Variants in SEC31B observed in about 807,000 individuals in gnomAD.
SEC31B encodes the protein protein transport protein Sec31B.
In SEC31B, 113 loss-of-function variants were observed where a neutral mutation model predicts 135.0. That is an observed-to-expected ratio of 0.84 (90% CI 0.72 to 0.98). SEC31B has a LOEUF of 0.98. Ranked by LOEUF, SEC31B falls within the 50% of genes least tolerant of loss-of-function variation. The probability of loss-of-function intolerance (pLI) is 0.00; values close to 1 mark genes in which losing one functional copy is unlikely to be tolerated. For synonymous variants in SEC31B, 508 were observed against 549.4 expected (o/e 0.92, Z 1.05); for missense variants, 1,296 against 1,421.1 (o/e 0.91, Z 1.42).
chr10:100,491,705 T>C (rs1851303827), intron 19 of SEC31B, among the ~76,000 whole-genome samples: 1 of 152,232 alleles, frequency 6.6e-6, no homozygotes, highest in African/African-American at 2.4e-5. Context: ...ATTCATGATC[T>C]AGTACACAAG....
At position 100,505,473 on chromosome 10, in the gene SEC31B, C is replaced by A; in HGVS notation, c.1067G>T (p.Gly356Val). The A allele has an allele frequency of 6.4e-7, 1 of 1,565,850 alleles. No homozygotes were observed. Among genetic ancestry groups the A allele is most frequent in the African/African-American group, 1.4e-5 (1 of 72,776 alleles). ...ADKISSSFSKGQPLPPLQVPE... is the reference protein window; with the variant it reads ...ADKISSSFSKVQPLPPLQVPE... ...CACCTGCAGTGGTGGGAGAGGCTGG[C>A]CTTTGCTGAAGGAAGAGGAGATCTG... Residue 356 changes from glycine (G) to valine (V), a missense_variant, in exon 10 of 26, where the codon GGC (glycine) becomes GTC (valine). Coordinates refer to ENST00000370345, the MANE Select transcript of SEC31B (RefSeq NM_015490.4).
intron 1 of SEC31B, among the ~76,000 whole-genome samples, chr10:100,518,550 A>G (rs996689046): frequency 6.6e-6 from 1 of 152,348 alleles, no homozygotes; most frequent in African/African-American, 2.4e-5. Flanking sequence ...ACTAGTTTCC[A>G]AACGAATGTC....
chr10:100,505,301 C>T (rs1323257826), intron 10 of SEC31B, 60 bp downstream of exon 10: 9 of 232,406 alleles, frequency 3.9e-5, no homozygotes, highest in Non-Finnish European at 6.1e-5. Context: ...GCTTCACAAA[C>T]ACACACACAC....
chr10:100,506,501 T>C, intron 7 of SEC31B, 81 bp from the exon 8 acceptor site: 1 of 1,176,760 alleles, frequency 8.5e-7, no homozygotes, highest in Non-Finnish European at 1.3e-6. Flanking sequence ...TTTATACATT[T>C]TATAGGGCAT....
intron 19 of SEC31B, among the ~76,000 whole-genome samples, chr10:100,491,774 AAC>A (rs1851304916): frequency 6.6e-6 from 1 of 152,260 alleles, no homozygotes; most frequent in Admixed American, 6.5e-5. Context: ...TCCTCAATGC[AAC>A]AGTGTTGGGA....
intron 19 of SEC31B, among the ~76,000 whole-genome samples, chr10:100,494,686 T>C (rs1262684922): frequency 6.6e-6 from 1 of 152,232 alleles, no homozygotes; most frequent in Non-Finnish European, 1.5e-5. Context: ...GAAACTCTGA[T>C]CAAACATCCG....
chr10:100,490,289 C>G lies in SEC31B; in HGVS notation c.2684G>C (p.Arg895Thr), dbSNP rs2133669804. 1.2e-6 allele frequency: 2 copies of G among 1,613,842 alleles called. No individual in the cohort carries two copies. The highest frequency in any genetic ancestry group is 2.2e-5 in the East Asian group (1 of 44,870). The part of the protein sequence containing the change: ...SSQPQLLGGQ[R>T]VQVPNPVGFP... ...TCCCACCGGGTTAGGAACTTGCACC[C>G]TTTGCCCTCCTAATAGCTGTGGCTG... The change falls in exon 21 of 26, where the codon AGG becomes ACG. Residue 895 changes from arginine to threonine, a missense_variant. Coordinates refer to ENST00000370345, the MANE Select transcript of SEC31B (RefSeq NM_015490.4).
intron 19 of SEC31B, among the ~76,000 whole-genome samples, chr10:100,493,232 G>A (rs578135352): frequency 6.6e-6 from 1 of 152,130 alleles, no homozygotes; most frequent in East Asian, 1.9e-4. Flanking sequence ...AATTATCCGG[G>A]CGTGGTGGCG....
chr10:100,504,771 G>A (rs771183537), intron 10 of SEC31B, among the ~76,000 whole-genome samples: 17 of 151,968 alleles, frequency 1.1e-4, no homozygotes, highest in Non-Finnish European at 2.4e-4. Flanking sequence ...GAGGGGCCTT[G>A]AAAGGCTGTG....
rs1324807491 is a variant in SEC31B at position 100,492,625 on chromosome 10, CTATT to C, written c.2473-1746_2473-1743del. 9.9e-5 allele frequency among the ~76,000 whole-genome samples: 15 copies of C among 152,274 alleles called. 1 individual carries two copies. The highest frequency in any genetic ancestry group is 2.9e-5 in the Non-Finnish European group (2 of 68,022). On this transcript the variant is annotated intron_variant, in intron 19 of 25. Transcript: ENST00000370345. ...ATAGATTGAAAAGAAAGAAAACTAT[CTATT>C]TGCAGATTTGTAGACAGCATGACTG...
intron 19 of SEC31B, 173 bp downstream of exon 19, chr10:100,495,212 C>T (rs1487959390): frequency 1.5e-6 from 1 of 680,292 alleles, no homozygotes; most frequent in Non-Finnish European, 2.5e-6. Flanking sequence ...ACCTTTATGT[C>T]CTAAGAGCCT....
At chr10:100,498,628 G>T in intron 14 of SEC31B, 77 bp downstream of exon 14, 2 of 1,020,350 alleles carry the variant, frequency 2.0e-6, no homozygotes, top group Non-Finnish European at 3.0e-6. Flanking sequence ...GACAAGAAGG[G>T]AATGTCTCAA....
intron 20 of SEC31B, 34 bp from the exon 21 acceptor site, chr10:100,490,356 A>G: frequency 3.2e-6 from 5 of 1,587,100 alleles, no homozygotes; most frequent in Non-Finnish European, 4.3e-6. Flanking sequence ...ATTTGTCACT[A>G]AACTTCATTT....
chr10:100,513,983 G>A (rs1214666031), intron 3 of SEC31B, among the ~76,000 whole-genome samples: 1 of 151,232 alleles, frequency 6.6e-6, no homozygotes, highest in Admixed American at 6.6e-5. Flanking sequence ...TCAGGAGTTC[G>A]AGACCAGCCT....
Position 100,489,398 on chromosome 10 carries a change from G to A in SEC31B, c.3025C>T (p.Leu1009=). The change falls in exon 23 of 26, where the codon CTG becomes TTG. Residue 1009 remains leucine, a splice_region_variant and synonymous_variant. Coordinates refer to ENST00000370345, the MANE Select transcript of SEC31B (RefSeq NM_015490.4). The part of the protein sequence containing the change: ...APRGNLQRNK[L]PETFMPPAPI... ...GCTGGGGGCATAAATGTCTCTGGCAGCTAAAGAGACAGAAGGAAAGACATG... is the reference window on the plus strand; with the variant it reads ...GCTGGGGGCATAAATGTCTCTGGCAACTAAAGAGACAGAAGGAAAGACATG... 6.2e-7 allele frequency: 1 copy of A among 1,613,454 alleles called. No homozygotes were observed. The highest frequency in any genetic ancestry group is 8.5e-7 in the Non-Finnish European group (1 of 1,179,896).
chr10:100,490,011 G>T lies in SEC31B; in HGVS notation c.2962C>A (p.Pro988Thr). 1 of 1,541,140 alleles carries T rather than the reference G, an allele frequency of 6.5e-7. No homozygotes were observed. Among genetic ancestry groups the T allele is most frequent in the Non-Finnish European group, 8.7e-7 (1 of 1,148,880 alleles). ...GATCCATGGAAGGAAGACTGACCTG[G>T]GTGAGGAGTCAAGATGCCAGTGGTT... Reference protein sequence around the residue: ...LPTTGILTPHPGPQDSWKEAP... With the variant: ...LPTTGILTPHTGPQDSWKEAP... Residue 988 changes from proline (P) to threonine (T), a missense_variant, in exon 21 of 26, where the codon CCA (proline) becomes ACA (threonine). Physicochemically the swap from Pro to Thr is conservative, Grantham distance 38. Coordinates refer to ENST00000370345, the MANE Select transcript of SEC31B (RefSeq NM_015490.4).
intron 19 of SEC31B, among the ~76,000 whole-genome samples, chr10:100,492,020 AT>A (rs1278460775): frequency 6.6e-6 from 1 of 152,208 alleles, no homozygotes; most frequent in Admixed American, 6.5e-5. Context: ...TAAGAAATAA[AT>A]TTCTGTTCTT....
chr10:100,487,477 A>G lies in SEC31B; in HGVS notation c.*139T>C, dbSNP rs968718210. On this transcript the variant is annotated 3_prime_UTR_variant, in exon 26 of 26. Coordinates refer to ENST00000370345, the MANE Select transcript of SEC31B (RefSeq NM_015490.4). ...GCAGGCACTCAGCTGGTTTGGAGCC[A>G]AGCCTACAGCATCACATACCTGGCA... 5 of 820,456 alleles carry G rather than the reference A, an allele frequency of 6.1e-6. No individual in the cohort carries two copies. Among genetic ancestry groups the G allele is most frequent in the African/African-American group, 1.7e-5 (1 of 58,282 alleles). 50.8% of individuals were successfully genotyped at this position (820,456 alleles called of 1,614,324 possible).
chr10:100,508,981 G>T, intron 5 of SEC31B, 26 bp downstream of exon 5: 2 of 1,558,636 alleles, frequency 1.3e-6, no homozygotes, highest in Non-Finnish European at 1.8e-6. Flanking sequence ...CACACTCCAG[G>T]GTTGGGTAGT....
Sources: allele counts gnomAD v4.1 joint callset (sites outside exome capture counted in the v4.1 genomes callset), GRCh38; gene constraint gnomAD v4.1.1; transcripts MANE v1.5; gene names NCBI Gene and HGNC (gene_info 2026-07-23, HGNC 2026-07-21).